HS3ST4: variants seen among roughly 807,000 people sequenced by gnomAD.
HS3ST4 encodes heparan sulfate glucosamine 3-O-sulfotransferase 4.
A neutral mutation model predicts 29.2 loss-of-function variants in HS3ST4; 17 were observed. The ratio of observed to expected loss-of-function variants is 0.58; its 90% CI spans 0.40 to 0.87. The LOEUF (loss-of-function observed/expected upper bound fraction) is 0.87, where lower values mean the gene tolerates loss of function less well. HS3ST4 is among the 40% of genes least tolerant of loss of function. The pLI is 0.00. For missense variants in HS3ST4, 627 were observed against 634.5 expected (o/e 0.99, Z 0.13); for synonymous variants, 314 against 285.7 (o/e 1.10, Z -1.00).
chr16:25,956,636 G>A (rs560990776), intron 1 of HS3ST4, among the ~76,000 whole-genome samples: 55 of 152,272 alleles, frequency 3.6e-4, no homozygotes, highest in African/African-American at 1.3e-3. Flanking sequence ...CATAACTTAT[G>A]CTTTTATATG....
chr16:26,042,461 CT>C (rs1969644157), intron 1 of HS3ST4, among the ~76,000 whole-genome samples: 2 of 152,054 alleles, frequency 1.3e-5, no homozygotes, highest in Non-Finnish European at 2.9e-5. Context: ...GCAATCATTT[CT>C]GTTTTCCTCT....
chr16:25,819,960 G>A (rs1403648915), intron 1 of HS3ST4, among the ~76,000 whole-genome samples: 7 of 124,284 alleles, frequency 5.6e-5, no homozygotes, highest in East Asian at 2.7e-4. Context: ...GCAGTGAGCC[G>A]AGATCGTGCC....
At chr16:26,084,865 C>A (rs1898767095) in intron 1 of HS3ST4, among the ~76,000 whole-genome samples, 1 of 152,156 alleles carries the variant, frequency 6.6e-6, no homozygotes, top group African/African-American at 2.4e-5. Context: ...CTGCCTCAGC[C>A]TCCCAAAGTG....
At chr16:25,751,391 G>A (rs1356219427) in intron 1 of HS3ST4, among the ~76,000 whole-genome samples, 3 of 152,194 alleles carry the variant, frequency 2.0e-5, no homozygotes, top group Non-Finnish European at 4.4e-5. Flanking sequence ...AATGCAGTAG[G>A]TGGCAGAGAC....
At chr16:25,875,664 T>G (rs1176009554) in intron 1 of HS3ST4, among the ~76,000 whole-genome samples, 2 of 152,160 alleles carry the variant, frequency 1.3e-5, no homozygotes, top group Non-Finnish European at 2.9e-5. Context: ...CAAATTTCAA[T>G]TCTGTTTCCC....
At chr16:26,038,484 T>C (rs368670417) in intron 1 of HS3ST4, among the ~76,000 whole-genome samples, 111 of 152,206 alleles carry the variant, frequency 7.3e-4, no homozygotes, top group African/African-American at 2.6e-3. Context: ...ACACCTGTAC[T>C]GCAAGCACCT....
In HS3ST4 at chr16:25,836,319, T is replaced by A. The variant is rs551684073; in HGVS notation, c.734+143168T>A. ...GGCCAGGCAGTCTGTGTCGTAGACA[T>A]GTAGACAGGAAGTTCATATCCCTAA... On this transcript the variant is annotated intron_variant, in intron 1 of 1. Coordinates refer to ENST00000331351, the MANE Select transcript of HS3ST4 (RefSeq NM_006040.3). Among the ~76,000 whole-genome samples the A allele has an allele frequency of 3.5e-4, 54 of 152,258 alleles. No individual in the cohort carries two copies. In the South Asian group the frequency reaches 9.9e-3, roughly 28 times the overall value.
intron 1 of HS3ST4, among the ~76,000 whole-genome samples, chr16:25,899,725 G>T (rs554519735): frequency 6.6e-6 from 1 of 151,148 alleles, no homozygotes; most frequent in Non-Finnish European, 1.5e-5. Context: ...TGTTGATCAG[G>T]TTGGCTGATT....
At chr16:25,929,282 T>C (rs1168916259) in intron 1 of HS3ST4, among the ~76,000 whole-genome samples, 1 of 151,650 alleles carries the variant, frequency 6.6e-6, no homozygotes, top group Admixed American at 6.6e-5. Context: ...CTCAGGAGGC[T>C]CAGGCAGGAG....
At chr16:26,011,570 A>C (rs1969310966) in intron 1 of HS3ST4, among the ~76,000 whole-genome samples, 1 of 152,270 alleles carries the variant, frequency 6.6e-6, no homozygotes, top group South Asian at 2.1e-4. Context: ...AAAAAAAAGC[A>C]TTCAATTTTA....
chr16:25,869,244 C>T (rs1411425605), intron 1 of HS3ST4, among the ~76,000 whole-genome samples: 1 of 151,920 alleles, frequency 6.6e-6, no homozygotes, highest in Non-Finnish European at 1.5e-5. Context: ...GGTGTGGGTT[C>T]ACAGCTTCCC....
chr16:25,739,298 C>T (rs375099215), intron 1 of HS3ST4, among the ~76,000 whole-genome samples: 2 of 152,088 alleles, frequency 1.3e-5, no homozygotes, highest in Admixed American at 6.6e-5. Flanking sequence ...GCCAAGTTCA[C>T]GCCACTGGAC....
At chr16:25,866,620 A>G (rs1295038012) in intron 1 of HS3ST4, among the ~76,000 whole-genome samples, 2 of 152,182 alleles carry the variant, frequency 1.3e-5, no homozygotes, top group Non-Finnish European at 2.9e-5. Flanking sequence ...ACACATGGAC[A>G]CAAGGAGGGG....
chr16:25,797,492 A>C (rs1966893135), intron 1 of HS3ST4, among the ~76,000 whole-genome samples: 2 of 152,194 alleles, frequency 1.3e-5, no homozygotes, highest in Admixed American at 1.3e-4. Context: ...AATACATGCG[A>C]GGGGCTTAGG....
At chr16:25,929,398 A>G (rs1017513730) in intron 1 of HS3ST4, among the ~76,000 whole-genome samples, 1 of 151,980 alleles carries the variant, frequency 6.6e-6, no homozygotes, top group Non-Finnish European at 1.5e-5. Context: ...GAAAAAAAAA[A>G]GAAAAGAAAG....
chr16:25,807,960 G>A (rs536224749), intron 1 of HS3ST4, among the ~76,000 whole-genome samples: 2 of 152,110 alleles, frequency 1.3e-5, no homozygotes, highest in East Asian at 1.9e-4. Context: ...CATGTCTTGC[G>A]TATATTTTCT....
intron 1 of HS3ST4, among the ~76,000 whole-genome samples, chr16:26,039,382 A>T (rs1969613224): frequency 6.6e-6 from 1 of 151,996 alleles, no homozygotes; most frequent in African/African-American, 2.4e-5. Context: ...TTATATATAC[A>T]TTTTCTATTA....
At chr16:25,732,785 G>A (rs1298245094) in intron 1 of HS3ST4, among the ~76,000 whole-genome samples, 3 of 152,098 alleles carry the variant, frequency 2.0e-5, no homozygotes, top group Non-Finnish European at 4.4e-5. Context: ...CTTCATTGTC[G>A]GTTTCTTTCT....
chr16:25,821,732 G>A (rs911730120), intron 1 of HS3ST4, among the ~76,000 whole-genome samples: 1 of 152,052 alleles, frequency 6.6e-6, no homozygotes, highest in East Asian at 1.9e-4. Context: ...TTTGAGACCA[G>A]CCTGGGCAAC....
Sources: allele counts gnomAD v4.1 joint callset (sites outside exome capture counted in the v4.1 genomes callset), GRCh38; gene constraint gnomAD v4.1.1; transcripts MANE v1.5; gene names NCBI Gene and HGNC (gene_info 2026-07-23, HGNC 2026-07-21).